The following RNF144A variants were observed in gnomAD, a reference collection of about 807,000 sequenced individuals.
RNF144A encodes E3 ubiquitin-protein ligase RNF144A.
RNF144A carries 11 observed loss-of-function variants against 38.7 expected under a neutral mutation model. That is an observed-to-expected ratio of 0.28 (90% confidence interval 0.18 to 0.47). The LOEUF is 0.47. Ranked by LOEUF, RNF144A falls within the 20% of genes least tolerant of loss-of-function variation. The pLI, the probability that RNF144A is intolerant of heterozygous loss-of-function variation, is 0.99. For synonymous variants in RNF144A, 149 were observed against 143.9 expected (o/e 1.04, Z -0.25); for missense variants, 316 against 377.2 (o/e 0.84, Z 1.34).
chr2:7,066,025 A>C (rs763830267), intron 6 of RNF144A, among the ~76,000 whole-genome samples: 1 of 152,178 alleles, frequency 6.6e-6, no homozygotes, highest in Non-Finnish European at 1.5e-5. Flanking sequence ...TTTGTTTGAA[A>C]CATTGCTGGT....
In RNF144A at chr2:6,962,220, C is replaced by T. The variant is rs1667390330; in HGVS notation, c.-12+21073C>T. Among the ~76,000 whole-genome samples, 1 of 152,160 alleles carries T rather than the reference C, an allele frequency of 6.6e-6. No individual in the cohort carries two copies. Among genetic ancestry groups the T allele is most frequent in the African/African-American group, 2.4e-5 (1 of 41,428 alleles). ...TGCATAGGGCACAAATCTCTGGTAG[C>T]CCCCACCCTAATGATTTATTATGCA... On this transcript the variant is annotated intron_variant, in intron 2 of 8. Transcript: ENST00000320892. This position sits in a 1 kb window ranked among gnomAD's most constrained non-coding sequence, Gnocchi z 4.1.
intron 1 of RNF144A, among the ~76,000 whole-genome samples, chr2:6,927,476 C>A (rs1664949781): frequency 1.3e-5 from 2 of 152,204 alleles, no homozygotes; most frequent in African/African-American, 4.8e-5. Flanking sequence ...TGATCAGGGC[C>A]TTGAGCTGTG....
chr2:6,990,750 G>A (rs1038256921), intron 2 of RNF144A, among the ~76,000 whole-genome samples: 1 of 152,054 alleles, frequency 6.6e-6, no homozygotes, highest in Non-Finnish European at 1.5e-5. Context: ...CATTCTGTGG[G>A]CTTTGACAGG....
chr2:7,043,451 T>G lies in RNF144A; in HGVS notation c.*3691T>G, dbSNP rs1280062090. 7 of 985,676 alleles carry G rather than the reference T, an allele frequency of 7.1e-6. No individual in the cohort carries two copies. Among genetic ancestry groups the G allele is most frequent in the Non-Finnish European group, 8.4e-6 (7 of 829,936 alleles). 61.1% of individuals were successfully genotyped at this position (985,676 alleles called of 1,614,324 possible). On this transcript the variant is annotated 3_prime_UTR_variant, in exon 9 of 9. Transcript: ENST00000320892. ...TGTGTCTCAGATTCTCATTTATTAG[T>G]GAGCACACCTGTGTATATATATAAA...
chr2:7,041,898 G>A lies in RNF144A; in HGVS notation c.*2138G>A. ...GACCTTATTTCTAGAGGGACAGGCT[G>A]TTCTGTTGGAAGAGTCTCTGGCCCA... is the stretch of plus-strand genomic sequence containing the variant. On this transcript the variant is annotated 3_prime_UTR_variant, in exon 9 of 9. Transcript: ENST00000320892. 1 of 985,454 alleles carries A rather than the reference G, an allele frequency of 1.0e-6. No homozygotes were observed. The highest frequency in any genetic ancestry group is 1.2e-6 in the Non-Finnish European group (1 of 829,966). The allele number at this position is 985,454 out of a possible 1,614,324, so 61.0% of individuals were successfully genotyped here.
At chr2:7,000,376 C>A (rs754559225) in intron 3 of RNF144A, among the ~76,000 whole-genome samples, 5 of 152,210 alleles carry the variant, frequency 3.3e-5, no homozygotes, top group Non-Finnish European at 5.9e-5. Context: ...ATTTTGAAAT[C>A]AGGCTGCCGT....
chr2:6,981,013 G>A (rs1363720059), intron 2 of RNF144A, among the ~76,000 whole-genome samples: 2 of 152,204 alleles, frequency 1.3e-5, no homozygotes, highest in African/African-American at 4.8e-5. Context: ...CTGTACCTTG[G>A]CCTCTTTTAG....
intron 2 of RNF144A, among the ~76,000 whole-genome samples, chr2:6,992,630 C>T (rs1273907474): frequency 2.6e-5 from 4 of 152,216 alleles, no homozygotes; most frequent in Non-Finnish European, 5.9e-5. Context: ...TGGCTGGCAG[C>T]TGCCTACCTT....
intron 1 of RNF144A, among the ~76,000 whole-genome samples, chr2:6,932,040 T>A (rs1665237610): frequency 6.6e-6 from 1 of 152,222 alleles, no homozygotes; most frequent in African/African-American, 2.4e-5. Flanking sequence ...TAGTAGTGGA[T>A]TTGTCTGTTT....
At chr2:7,072,911 A>G (rs992972598), downstream of RNF144A, among the ~76,000 whole-genome samples, 2 of 152,232 alleles carry the variant, frequency 1.3e-5, no homozygotes, top group Non-Finnish European at 2.9e-5. Flanking sequence ...AGCCAGGGTC[A>G]TGGGCCAGAA....
intron 2 of RNF144A, among the ~76,000 whole-genome samples, chr2:6,960,709 C>T (rs1251840036): frequency 1.3e-5 from 2 of 152,198 alleles, no homozygotes; most frequent in African/African-American, 4.8e-5. Flanking sequence ...GGCGCTTCCA[C>T]ACCTGAAATG....
chr2:7,005,658 C>T lies in RNF144A; in HGVS notation c.135+8597C>T, dbSNP rs533165953. Among the ~76,000 whole-genome samples the T allele has an allele frequency of 2.6e-5, 4 of 152,358 alleles. No homozygotes were observed. In the South Asian group the frequency reaches 8.3e-4, roughly 32 times the overall value. On this transcript the variant is annotated intron_variant, in intron 3 of 8. Coordinates refer to ENST00000320892, the MANE Select transcript of RNF144A (RefSeq NM_014746.6). ...CCTCCTTTGTCTTAAGACCAGCACC[C>T]GTACCCCTCAGATTCCCTGCTGACA...
chr2:6,925,033 C>T (rs554715170), intron 1 of RNF144A, among the ~76,000 whole-genome samples: 4 of 152,290 alleles, frequency 2.6e-5, no homozygotes, highest in African/African-American at 9.6e-5. Context: ...CTGGCGACCT[C>T]GATTGCCACA....
chr2:7,019,794 T>C (rs865809432), intron 5 of RNF144A, among the ~76,000 whole-genome samples: 3 of 152,234 alleles, frequency 2.0e-5, no homozygotes, highest in South Asian at 2.1e-4. Context: ...GAAATAAACT[T>C]TGTGGCTAAT....
chr2:6,996,752 C>CAA (rs3836203), intron 2 of RNF144A, 164 bp from the exon 3 acceptor site: 223 of 659,748 alleles, frequency 3.4e-4, no homozygotes, highest in South Asian at 1.3e-3. Flanking sequence ...GACTCCATCT[C>CAA]AAAAAAAACC....
At position 7,040,143 on chromosome 2, in the gene RNF144A, T is replaced by C. The variant is rs1340378713; in HGVS notation, c.*383T>C. 1.0e-6 allele frequency: 1 copy of C among 1,001,750 alleles called. No homozygotes were observed. Among genetic ancestry groups the C allele is most frequent in the African/African-American group, 1.7e-5 (1 of 57,804 alleles). 62.1% of individuals were successfully genotyped at this position (1,001,750 alleles called of 1,614,324 possible). ...GTTGTCAGAGAAGTCTTTTAAGGAC[T>C]GCCACTCTCTTCAGACAGAATCTGA... is the stretch of plus-strand genomic sequence containing the variant. On this transcript the variant is annotated 3_prime_UTR_variant, in exon 9 of 9. Transcript: ENST00000320892.
chr2:6,991,285 G>A (rs181064816), intron 2 of RNF144A, among the ~76,000 whole-genome samples: 15 of 152,282 alleles, frequency 9.9e-5, no homozygotes, highest in African/African-American at 3.1e-4. Context: ...TTCCTAAAGC[G>A]TCATGAAGCC....
intron 6 of RNF144A, among the ~76,000 whole-genome samples, chr2:7,065,733 A>G (rs1181859199): frequency 6.6e-6 from 1 of 152,200 alleles, no homozygotes; most frequent in Non-Finnish European, 1.5e-5. Context: ...TTATTTATGG[A>G]CAGTTATTAT....
At chr2:6,969,253 T>G (rs1667853781) in intron 2 of RNF144A, among the ~76,000 whole-genome samples, 1 of 152,174 alleles carries the variant, frequency 6.6e-6, no homozygotes, top group Non-Finnish European at 1.5e-5. Context: ...GAGTGTGACC[T>G]TATTTGGAGG....
Sources: gnomAD v4.1 joint callset for allele counts (sites outside exome capture counted in the v4.1 genomes callset) on GRCh38, gnomAD v4.1.1 for gene constraint, Gnocchi (gnomAD v3.1) non-coding constraint, MANE v1.5 for transcripts, NCBI Gene and HGNC (gene_info 2026-07-23, HGNC 2026-07-21) for gene names.